The following PITPNA variants were observed in gnomAD, a reference collection of about 807,000 sequenced individuals.
The protein encoded by PITPNA is phosphatidylinositol transfer protein alpha isoform.
Under a neutral mutation model 50.3 loss-of-function variants are expected in PITPNA, and 13 were observed. That is an observed-to-expected ratio of 0.26 (90% CI 0.17 to 0.41). PITPNA has a LOEUF of 0.41. PITPNA is among the 10% of genes least tolerant of loss of function. The pLI, the probability that PITPNA is intolerant of heterozygous loss-of-function variation, is 1.00. For missense variants in PITPNA, 207 were observed against 333.4 expected (o/e 0.62, Z 2.95); for synonymous variants, 120 against 119.6 (o/e 1.00, Z -0.02).
rs369370339 is a variant in PITPNA, at chr17:1,548,387, G to A, written c.198C>T (p.Ser66=). The change falls in exon 4 of 12, where the codon AGC becomes AGT. Residue 66 remains serine (S), a splice_region_variant and synonymous_variant. Transcript: ENST00000313486. ...QYTHKIYHLQ[S]KVPTFVRMLA... is the part of the protein sequence containing the mutation. ...GCATTCGAACAAACGTGGGTACTTT[G>A]CTATAGCGGGGAAAAAAAGGGGTAT... The A allele has an allele frequency of 6.3e-7, 1 of 1,594,634 alleles. No homozygotes were observed. Among genetic ancestry groups the A allele is most frequent in the Non-Finnish European group, 8.5e-7 (1 of 1,171,160 alleles).
Position 1,562,241 on chromosome 17 carries a change from C to T in PITPNA, c.20+300G>A, listed in dbSNP as rs1255075550. Reference sequence around the variant, plus strand: ...TGTCCCTCCGTGCCCGTGGGCCCCTCCATGCCCCGGCTGCCCGTCCATGCC... The same window carrying T: ...TGTCCCTCCGTGCCCGTGGGCCCCTTCATGCCCCGGCTGCCCGTCCATGCC... On this transcript the variant is annotated intron_variant, in intron 1 of 11. Transcript: ENST00000313486. This position sits in a 1 kb window ranked among gnomAD's most constrained non-coding sequence, Gnocchi z 6.4. Among the ~76,000 whole-genome samples, 1 of 151,966 alleles carries T rather than the reference C, an allele frequency of 6.6e-6. No homozygotes were observed. Among genetic ancestry groups the T allele is most frequent in the Non-Finnish European group, 1.5e-5 (1 of 67,956 alleles).
At chr17:1,520,583 GAAAC>G (rs2075504567) in intron 11 of PITPNA, 45 bp from the exon 12 acceptor site, 1 of 146,240 alleles carries the variant, frequency 6.8e-6, no homozygotes, top group Admixed American at 6.8e-5. Flanking sequence ...GGAGAAAACA[GAAAC>G]ACTGTAAATC....
chr17:1,531,091 A>T (rs2075579596), intron 10 of PITPNA, among the ~76,000 whole-genome samples: 1 of 152,108 alleles, frequency 6.6e-6, no homozygotes, highest in South Asian at 2.1e-4. Flanking sequence ...CGCTGAGGGA[A>T]CCCTGACCTC....
At chr17:1,532,890 TA>T (rs2075593047) in intron 10 of PITPNA, among the ~76,000 whole-genome samples, 1 of 152,232 alleles carries the variant, frequency 6.6e-6, no homozygotes, top group Non-Finnish European at 1.5e-5. Flanking sequence ...GTGCACCACT[TA>T]CCAGTGAGTC....
At chr17:1,545,054 C>T (rs1195153611) in intron 4 of PITPNA, among the ~76,000 whole-genome samples, 6 of 151,040 alleles carry the variant, frequency 4.0e-5, no homozygotes, top group Admixed American at 2.0e-4. Flanking sequence ...TGTATCCAGC[C>T]GAGGACTATA....
At chr17:1,535,816 T>A (rs1042652369) in intron 7 of PITPNA, 15 of 382,278 alleles carry the variant, frequency 3.9e-5, no homozygotes, top group African/African-American at 3.1e-4. Flanking sequence ...CAACCTGGGG[T>A]GAGCATCCAG....
chr17:1,560,426 G>A (rs536499935), intron 1 of PITPNA, among the ~76,000 whole-genome samples: 52 of 152,282 alleles, frequency 3.4e-4, no homozygotes, highest in African/African-American at 1.2e-3. Flanking sequence ...CCCCCGCCCA[G>A]GGATGCACAC....
chr17:1,534,243 G>C, intron 9 of PITPNA, 22 bp from the exon 10 acceptor site: 1 of 1,613,216 alleles, frequency 6.2e-7, no homozygotes. Flanking sequence ...AGGGAACCAC[G>C]TTAGAACGCA....
At chr17:1,543,105 A>C (rs2075656208) in intron 4 of PITPNA, 78 bp from the exon 5 acceptor site, 11 of 1,098,568 alleles carry the variant, frequency 1.0e-5, no homozygotes, top group African/African-American at 1.6e-5. Flanking sequence ...CCCACCCCCC[A>C]CAAGGAGGAC....
At chr17:1,521,945 G>A (rs891644420) in intron 10 of PITPNA, among the ~76,000 whole-genome samples, 8 of 146,764 alleles carry the variant, frequency 5.5e-5, no homozygotes, top group Admixed American at 1.4e-4. Context: ...GGCTGGTCTT[G>A]GGCTCCTGGC....
chr17:1,556,643 C>T (rs1352940250), intron 2 of PITPNA, among the ~76,000 whole-genome samples: 2 of 152,164 alleles, frequency 1.3e-5, no homozygotes, highest in Non-Finnish European at 2.9e-5. Context: ...AAGGAAATCC[C>T]GAGTTCCTGG....
chr17:1,556,793 G>A (rs138709019), intron 2 of PITPNA, among the ~76,000 whole-genome samples: 73 of 152,152 alleles, frequency 4.8e-4, no homozygotes, highest in South Asian at 2.7e-3. Flanking sequence ...GAAAATCATC[G>A]CTTGCTATTT....
chr17:1,526,158 T>C (rs1328195469), intron 10 of PITPNA, among the ~76,000 whole-genome samples: 1 of 152,164 alleles, frequency 6.6e-6, no homozygotes, highest in Non-Finnish European at 1.5e-5. Context: ...AGACACAGAA[T>C]AGGATAAAAA....
rs570474000 is a variant in PITPNA, at chr17:1,557,826, G to A, written c.51+703C>T. Among the ~76,000 whole-genome samples the A allele has an allele frequency of 3.5e-3, 535 of 152,322 alleles. 3 individuals are homozygous for A. The highest frequency in any genetic ancestry group is 0.012 in the African/African-American group (513 of 41,558). ...CAGTCACCTATCGTGGCTAGGGAGA[G>A]CCTCAAGAGATTTCCTGCCCTGCTG... On this transcript the variant is annotated intron_variant, in intron 2 of 11. Transcript: ENST00000313486.
chr17:1,554,612 C>T (rs989162525), intron 2 of PITPNA, among the ~76,000 whole-genome samples: 1 of 151,968 alleles, frequency 6.6e-6, no homozygotes, highest in Admixed American at 6.6e-5. Flanking sequence ...TCACTGCCTC[C>T]AACAGCAAGG....
chr17:1,552,884 TATTA>T (rs1325362603), intron 3 of PITPNA, 116 bp downstream of exon 3: 27 of 968,850 alleles, frequency 2.8e-5, no homozygotes, highest in Middle Eastern at 3.3e-4. Context: ...AGTATATAAC[TATTA>T]ATTGTTAGGA....
Position 1,562,445 on chromosome 17 carries a change from G to A in PITPNA, c.20+96C>T. The A allele has an allele frequency of 2.0e-6, 2 of 1,000,084 alleles. No homozygotes were observed. The highest frequency in any genetic ancestry group is 1.4e-6 in the Non-Finnish European group (1 of 734,224). The allele number at this position is 1,000,084 out of a possible 1,614,324, so 62.0% of individuals were successfully genotyped here. On this transcript the variant is annotated intron_variant, in intron 1 of 11. Coordinates refer to ENST00000313486, the MANE Select transcript of PITPNA (RefSeq NM_006224.4). The surrounding 1 kb of genome is among the most constrained non-coding windows in gnomAD (Gnocchi z 6.4). ...CACCCTCCGTCCCTGCTGCCCCTCC[G>A]TCCATCCGGGCCCTGCGTCCCTCGC... is the stretch of plus-strand genomic sequence containing the variant.
At chr17:1,541,063 T>C in intron 6 of PITPNA, among the ~76,000 whole-genome samples, 1 of 152,122 alleles carries the variant, frequency 6.6e-6, no homozygotes, top group Non-Finnish European at 1.5e-5. Context: ...CATGCCCAGC[T>C]AATTCTTTTT....
Position 1,552,999 on chromosome 17 carries a change from C to T in PITPNA, c.197+5G>A. ...GCATCCGGCCCCGCTGCTCATGCCG[C>T]ATACCTCTGCAGGTGGTAGATCTTG... is the stretch of plus-strand genomic sequence containing the variant. On this transcript the variant is annotated splice_donor_5th_base_variant and intron_variant, in intron 3 of 11. Transcript: ENST00000313486. The T allele has an allele frequency of 6.2e-7, 1 of 1,613,882 alleles. No individual in the cohort carries two copies. The highest frequency in any genetic ancestry group is 8.5e-7 in the Non-Finnish European group (1 of 1,179,818).
Sources: allele counts gnomAD v4.1 joint callset (sites outside exome capture counted in the v4.1 genomes callset), GRCh38; gene constraint gnomAD v4.1.1; non-coding constraint Gnocchi (gnomAD v3.1); transcripts MANE v1.5; gene names NCBI Gene and HGNC (gene_info 2026-07-23, HGNC 2026-07-21).